TRMT11: variants seen among roughly 807,000 people sequenced by gnomAD.
TRMT11 encodes tRNA (guanine(10)-N(2))-methyltransferase TRMT11.
A neutral mutation model predicts 62.8 loss-of-function variants in TRMT11; 53 were observed. The ratio of observed to expected loss-of-function variants is 0.84; its 90% CI spans 0.68 to 1.06. TRMT11 has a LOEUF of 1.06. Among genes scored for constraint, TRMT11 ranks in the 50% least tolerant of loss-of-function variants. The pLI is 0.00. For synonymous variants in TRMT11, 188 were observed against 190.3 expected (o/e 0.99, Z 0.10); for missense variants, 556 against 553.4 (o/e 1.00, Z -0.05).
At chr6:126,070,099 T>C (rs1358014221) in intron 17 of TRMT11, among the ~76,000 whole-genome samples, 1 of 152,174 alleles carries the variant, frequency 6.6e-6, no homozygotes, top group Admixed American at 6.5e-5. Flanking sequence ...ACCTTTCCTT[T>C]TCTGATTTCT....
intron 17 of TRMT11, among the ~76,000 whole-genome samples, chr6:126,061,455 T>G (rs1007798451): frequency 6.6e-6 from 1 of 152,148 alleles, no homozygotes; most frequent in Non-Finnish European, 1.5e-5. Flanking sequence ...TTGTCTTGCC[T>G]CTCAGTAAAT....
chr6:126,114,888 G>A (rs139633805), intron 19 of TRMT11, among the ~76,000 whole-genome samples: 258 of 152,106 alleles, frequency 1.7e-3, no homozygotes, highest in African/African-American at 6.1e-3. Context: ...TGGACTAAAT[G>A]GTATCACATT....
the TRMT11 span, among the ~76,000 whole-genome samples, chr6:126,214,438 T>C: frequency 6.6e-6 from 1 of 152,040 alleles, no homozygotes; most frequent in Non-Finnish European, 1.5e-5. Context: ...CTTCAGGTTT[T>C]GGATTTCTTT....
At chr6:126,251,013 T>G in the TRMT11 span, among the ~76,000 whole-genome samples, 1 of 143,260 alleles carries the variant, frequency 7.0e-6, no homozygotes, top group Non-Finnish European at 1.5e-5. Flanking sequence ...TCCCAATTTG[T>G]TTTTTTTTTT....
At chr6:126,247,344 C>T in the TRMT11 span, among the ~76,000 whole-genome samples, 1 of 151,652 alleles carries the variant, frequency 6.6e-6, no homozygotes. Flanking sequence ...CACATGCACG[C>T]ACACACGCAC....
At chr6:126,183,083 CTGAT>C (rs2128241856) in intron 1 of TRMT11, among the ~76,000 whole-genome samples, 1 of 152,230 alleles carries the variant, frequency 6.6e-6, no homozygotes, top group Non-Finnish European at 1.5e-5. Context: ...GCTTCGTAGA[CTGAT>C]TGATGACATT....
intron 11 of TRMT11, among the ~76,000 whole-genome samples, chr6:126,015,187 C>A (rs1328134098): frequency 1.3e-5 from 2 of 151,992 alleles, no homozygotes; most frequent in Non-Finnish European, 1.5e-5. Context: ...CCAATATTAA[C>A]ATATATCTAC....
At chr6:126,161,227 C>T (rs1376848043) in intron 21 of TRMT11, among the ~76,000 whole-genome samples, 2 of 152,030 alleles carry the variant, frequency 1.3e-5, no homozygotes, top group Non-Finnish European at 2.9e-5. Context: ...CTAACCCTCC[C>T]CTTGTCCCCC....
At chr6:126,248,032 A>C in the TRMT11 span, among the ~76,000 whole-genome samples, 3 of 152,106 alleles carry the variant, frequency 2.0e-5, no homozygotes, top group Non-Finnish European at 2.9e-5. Context: ...TTCTTATAAG[A>C]GATACCGTAT....
At chr6:126,252,626 G>C in the TRMT11 span, among the ~76,000 whole-genome samples, 1 of 152,160 alleles carries the variant, frequency 6.6e-6, no homozygotes, top group African/African-American at 2.4e-5. Context: ...AGTTGCCTAA[G>C]ATGGTTTGCC....
chr6:126,077,141 T>C (rs990048380), intron 17 of TRMT11, among the ~76,000 whole-genome samples: 15 of 152,242 alleles, frequency 9.9e-5, no homozygotes, highest in African/African-American at 3.4e-4. Context: ...GCAATAACTT[T>C]CTGGTGACCC....
chr6:126,262,090 G>T, the TRMT11 span, among the ~76,000 whole-genome samples: 6 of 152,216 alleles, frequency 3.9e-5, no homozygotes, highest in African/African-American at 9.6e-5. Context: ...GTTCATGCTG[G>T]TGTAGTGGAA....
chr6:125,990,648 A>T (rs1201491235), intron 1 of TRMT11, among the ~76,000 whole-genome samples: 1 of 152,278 alleles, frequency 6.6e-6, no homozygotes, highest in East Asian at 1.9e-4. Flanking sequence ...TTTCAGCAAG[A>T]AGCTTAATCT....
chr6:126,212,568 C>A, the TRMT11 span, among the ~76,000 whole-genome samples: 1 of 152,052 alleles, frequency 6.6e-6, no homozygotes, highest in Non-Finnish European at 1.5e-5. Context: ...TATCTGTTTG[C>A]CATTTGTATG....
intron 21 of TRMT11, among the ~76,000 whole-genome samples, chr6:126,158,764 C>T (rs1778150545): frequency 6.6e-6 from 1 of 152,194 alleles, no homozygotes; most frequent in South Asian, 2.1e-4. Context: ...ATTTCTGTGG[C>T]TCTATCTCCC....
At chr6:126,258,343 C>T in the TRMT11 span, 31 of 379,430 alleles carry the variant, frequency 8.2e-5, 2 homozygotes, top group South Asian at 4.3e-4. Context: ...TCTGCCATGG[C>T]GGCTGCCAGG....
intron 21 of TRMT11, among the ~76,000 whole-genome samples, chr6:126,142,245 AG>A (rs1196700071): frequency 6.6e-6 from 1 of 152,076 alleles, no homozygotes; most frequent in African/African-American, 2.4e-5. Context: ...TGATTAAGAA[AG>A]TCATATTTGC....
intron 12 of TRMT11, among the ~76,000 whole-genome samples, chr6:126,021,836 A>G (rs903208391): frequency 1.3e-5 from 2 of 152,202 alleles, no homozygotes; most frequent in African/African-American, 4.8e-5. Context: ...AGAAAGAATG[A>G]AACGTTTGTT....
the TRMT11 span, among the ~76,000 whole-genome samples, chr6:126,264,605 T>C: frequency 6.6e-6 from 1 of 152,316 alleles, no homozygotes; most frequent in Non-Finnish European, 1.5e-5. Flanking sequence ...TCAATAGATA[T>C]TGAGTAAAAG....
Sources: gnomAD v4.1 joint callset for allele counts (sites outside exome capture counted in the v4.1 genomes callset) on GRCh38, gnomAD v4.1.1 for gene constraint, MANE v1.5 for transcripts, NCBI Gene and HGNC (gene_info 2026-07-23, HGNC 2026-07-21) for gene names.